The following BAZ1B variants were observed in gnomAD, a reference collection of about 807,000 sequenced individuals.
BAZ1B encodes tyrosine-protein kinase BAZ1B.
BAZ1B carries 22 observed loss-of-function variants against 153.8 expected under a neutral mutation model. That is an observed-to-expected ratio of 0.14 (90% CI 0.10 to 0.20). The LOEUF is 0.20. BAZ1B is among the 10% of genes least tolerant of loss of function. BAZ1B has a pLI of 1.00. For synonymous variants in BAZ1B, 676 were observed against 633.4 expected, an observed-to-expected ratio of 1.07 and a Z score of -1.01; for missense variants, 1,325 against 1,799.3, an observed-to-expected ratio of 0.74 and a Z score of 4.77.
At chr7:73,514,706 T>C (rs782310153) in intron 1 of BAZ1B, among the ~76,000 whole-genome samples, 5 of 151,996 alleles carry the variant, frequency 3.3e-5, no homozygotes, top group Non-Finnish European at 5.9e-5. Flanking sequence ...CTCAGGGATC[T>C]GAGGTGGGAG....
chr7:73,478,032 G>A lies in BAZ1B; in HGVS notation c.1429C>T (p.His477Tyr), dbSNP rs1554573127. 1 of 1,614,182 alleles carries A rather than the reference G, an allele frequency of 6.2e-7. No homozygotes were observed. Among genetic ancestry groups the A allele is most frequent in the Non-Finnish European group, 8.5e-7 (1 of 1,180,028 alleles). ...PHKHLPPAAL[H>Y]LIAYYKENKD... ...TTTTCTTTGTAGTATGCAATGAGGT[G>A]TAGGGCTGCAGGAGGCAGATGTTTA... is the stretch of plus-strand genomic sequence containing the variant. The change falls in exon 7 of 20, where the codon CAC becomes TAC. Residue 477 changes from histidine (H) to tyrosine (Y), a missense_variant. By Grantham distance (83) the His-to-Tyr change is moderately conservative (BLOSUM62 2). Around this residue, in one of 9 missense-constraint regions of BAZ1B, gnomAD observed 154 missense variants for 266.3 expected, o/e 0.58. Coordinates refer to ENST00000339594, the MANE Select transcript of BAZ1B (RefSeq NM_032408.4).
At chr7:73,519,965 TG>T (rs1243221800) in intron 1 of BAZ1B, among the ~76,000 whole-genome samples, 2 of 152,148 alleles carry the variant, frequency 1.3e-5, no homozygotes, top group Non-Finnish European at 2.9e-5. Context: ...CCCAGTACTT[TG>T]GGAGGCCGAG....
chr7:73,487,921 T>C (rs1789475849), intron 6 of BAZ1B, among the ~76,000 whole-genome samples: 3 of 152,230 alleles, frequency 2.0e-5, no homozygotes, highest in African/African-American at 7.2e-5. Context: ...GAAAATCTGC[T>C]AAGTGCTAAA....
chr7:73,484,777 G>A (rs1554574249), intron 6 of BAZ1B, among the ~76,000 whole-genome samples: 2 of 152,106 alleles, frequency 1.3e-5, no homozygotes, highest in South Asian at 4.1e-4. Context: ...TAATCATGAA[G>A]AAATAAACCA....
chr7:73,485,421 G>C (rs1362759631), intron 6 of BAZ1B, among the ~76,000 whole-genome samples: 3 of 151,988 alleles, frequency 2.0e-5, no homozygotes, highest in African/African-American at 7.2e-5. Flanking sequence ...AGGAGCTCAA[G>C]ACCAGCATGG....
intron 3 of BAZ1B, among the ~76,000 whole-genome samples, chr7:73,499,391 A>G (rs1790038932): frequency 6.6e-6 from 1 of 152,164 alleles, no homozygotes; most frequent in South Asian, 2.1e-4. Context: ...CCATTTGTTG[A>G]AATAACACCT....
At chr7:73,510,310 T>C (rs1554578396) in intron 2 of BAZ1B, among the ~76,000 whole-genome samples, 1 of 149,776 alleles carries the variant, frequency 6.7e-6, no homozygotes, top group African/African-American at 2.5e-5. Context: ...GCACCTGTAG[T>C]CCCAGCTACT....
At chr7:73,454,529 T>G (rs967125832) in intron 13 of BAZ1B, among the ~76,000 whole-genome samples, 1 of 152,168 alleles carries the variant, frequency 6.6e-6, no homozygotes. Flanking sequence ...ATGACAACTA[T>G]GTATAAACAT....
At chr7:73,469,130 C>CAAAAAA (rs57498905) in intron 9 of BAZ1B, among the ~76,000 whole-genome samples, 1 of 76,312 alleles carries the variant, frequency 1.3e-5, no homozygotes, top group African/African-American at 4.5e-5. Context: ...AATTCCGTCT[C>CAAAAAA]AAAAAAAAAA....
At position 73,482,623 on chromosome 7, in the gene BAZ1B, A is replaced by G. The variant is rs553383669; in HGVS notation, c.892-4054T>C. Among the ~76,000 whole-genome samples, 9 of 152,308 alleles carry G rather than the reference A, an allele frequency of 5.9e-5. No individual in the cohort carries two copies. In the South Asian group the frequency reaches 1.2e-3, roughly 21 times the overall value. On this transcript the variant is annotated intron_variant, in intron 6 of 19. Coordinates refer to ENST00000339594, the MANE Select transcript of BAZ1B (RefSeq NM_032408.4). Reference sequence around the variant, plus strand: ...TTCTTTATTTACTGATTATAGTTCTATTTTAAAAGAAAAATCACTCACATT... The same window carrying G: ...TTCTTTATTTACTGATTATAGTTCTGTTTTAAAAGAAAAATCACTCACATT...
chr7:73,515,355 T>C (rs1458690769), intron 1 of BAZ1B, among the ~76,000 whole-genome samples: 1 of 152,036 alleles, frequency 6.6e-6, no homozygotes, highest in Non-Finnish European at 1.5e-5. Context: ...CCCTCTTCAT[T>C]AACATCAAGC....
intron 15 of BAZ1B, 31 bp from the exon 16 acceptor site, chr7:73,447,410 C>A: frequency 1.3e-6 from 2 of 1,589,346 alleles, no homozygotes; most frequent in Non-Finnish European, 1.7e-6. Context: ...GTAGGGAACA[C>A]AGTTTTAGCC....
Position 73,476,855 on chromosome 7 carries a change from C to T in BAZ1B, c.2593+13G>A, listed in dbSNP as rs1478164990. The stretch of plus-strand genomic sequence containing the variant: ...TACAGAGCTTCCCCTTTTCTCTCAG[C>T]ATGAAATTTTACCTTTCATTTCTCT... On this transcript the variant is annotated intron_variant, in intron 7 of 19. Coordinates refer to ENST00000339594, the MANE Select transcript of BAZ1B (RefSeq NM_032408.4). 6.3e-7 allele frequency: 1 copy of T among 1,578,624 alleles called. No homozygotes were observed. Among genetic ancestry groups the T allele is most frequent in the African/African-American group, 1.4e-5 (1 of 72,818 alleles).
intron 1 of BAZ1B, among the ~76,000 whole-genome samples, chr7:73,511,313 C>G (rs1035878700): frequency 6.6e-6 from 1 of 151,670 alleles, no homozygotes; most frequent in Non-Finnish European, 1.5e-5. Flanking sequence ...AATCAGGGCC[C>G]AAAGCAAGAT....
intron 1 of BAZ1B, among the ~76,000 whole-genome samples, 188 bp from the exon 2 acceptor site, chr7:73,511,040 G>C (rs573810702): frequency 5.3e-4 from 80 of 152,310 alleles, no homozygotes; most frequent in Middle Eastern, 6.8e-3. Flanking sequence ...GGGAGGCCGA[G>C]GCGGGCGGAT....
chr7:73,509,986 G>A (rs782479697), intron 2 of BAZ1B, among the ~76,000 whole-genome samples: 3 of 151,646 alleles, frequency 2.0e-5, no homozygotes, highest in Non-Finnish European at 4.4e-5. Context: ...AATTAGCCAG[G>A]CGTGGTGGTG....
At chr7:73,445,047 A>G (rs1384624252) in intron 16 of BAZ1B, among the ~76,000 whole-genome samples, 2 of 152,040 alleles carry the variant, frequency 1.3e-5, no homozygotes, top group East Asian at 1.9e-4. Context: ...ACACACACAC[A>G]CAAAGGCACT....
At chr7:73,442,144 A>AC in intron 19 of BAZ1B, 37 bp downstream of exon 19, 2 of 180,366 alleles carry the variant, frequency 1.1e-5, no homozygotes, top group Non-Finnish European at 1.1e-5. Context: ...CCTCCCTCCC[A>AC]CCCTCCCTAG....
chr7:73,489,162 T>C (rs782187349), intron 6 of BAZ1B, 32 bp downstream of exon 6: 1 of 1,595,874 alleles, frequency 6.3e-7, no homozygotes, highest in South Asian at 1.1e-5. Flanking sequence ...TGATGCTTTA[T>C]CCTGCTGTCC....
Sources: gnomAD v4.1 joint callset for allele counts (sites outside exome capture counted in the v4.1 genomes callset) on GRCh38, gnomAD v4.1.1 for gene constraint, gnomAD v4.1.1 regional missense constraint, MANE v1.5 for transcripts, NCBI Gene and HGNC (gene_info 2026-07-23, HGNC 2026-07-21) for gene names.